ICA1L: variants seen among roughly 807,000 people sequenced by gnomAD.
ICA1L encodes islet cell autoantigen 1 like, also known as islet cell autoantigen 1-like protein.
A neutral mutation model predicts 61.3 loss-of-function variants in ICA1L; 50 were observed. That is an observed-to-expected ratio of 0.82 (90% CI 0.65 to 1.03). ICA1L has a LOEUF of 1.03. Ranked by LOEUF, ICA1L falls within the 50% of genes least tolerant of loss-of-function variation. ICA1L has a pLI of 0.00. For missense variants in ICA1L, 508 were observed against 556.7 expected (o/e 0.91, Z 0.88); for synonymous variants, 161 against 191.3 (o/e 0.84, Z 1.31).
At chr2:202,860,562 G>A (rs904946063) in intron 1 of ICA1L, among the ~76,000 whole-genome samples, 3 of 151,392 alleles carry the variant, frequency 2.0e-5, no homozygotes, top group Non-Finnish European at 4.4e-5. Flanking sequence ...GACCAGCCTG[G>A]CCAACATGGT....
intron 1 of ICA1L, among the ~76,000 whole-genome samples, chr2:202,854,867 A>G (rs1444729197): frequency 6.6e-6 from 1 of 152,140 alleles, no homozygotes; most frequent in Non-Finnish European, 1.5e-5. Context: ...CTCTACTAAA[A>G]ATAAAAAAAT....
At chr2:202,798,742 C>G (rs978596851) in intron 9 of ICA1L, among the ~76,000 whole-genome samples, 3 of 152,100 alleles carry the variant, frequency 2.0e-5, no homozygotes, top group African/African-American at 7.2e-5. Context: ...TTGTTTGTAT[C>G]CTGTAACTTA....
At chr2:202,797,138 G>GTGTATATA (rs1003384876) in intron 9 of ICA1L, among the ~76,000 whole-genome samples, 174 bp from the exon 10 acceptor site, 5 of 68,526 alleles carry the variant, frequency 7.3e-5, no homozygotes, top group Non-Finnish European at 1.1e-4. Context: ...ACATTTGTGT[G>GTGTATATA]TGTGTGTGTG....
At position 202,779,630 on chromosome 2, in the gene ICA1L, T is replaced by A; in HGVS notation, c.1352A>T (p.Gln451Leu). The change falls in exon 13 of 13, where the codon CAA (glutamine) becomes CTA (leucine). Residue 451 changes from glutamine (Q) to leucine (L), a missense_variant. Coordinates refer to ENST00000358299, the MANE Select transcript of ICA1L (RefSeq NM_001288622.3). ...CAGATTGAACCAGGCTGACATGTCT[T>A]GGTTGCCATTGTTGGGGGCTATTAA... ...KLTRSPNNGN[Q>L]DMSAWFNLFA... 6.2e-7 allele frequency: 1 copy of A among 1,610,302 alleles called. No homozygotes were observed.
intron 4 of ICA1L, among the ~76,000 whole-genome samples, chr2:202,820,797 G>A (rs755867899): frequency 3.9e-5 from 6 of 152,062 alleles, no homozygotes; most frequent in Non-Finnish European, 7.4e-5. Context: ...TATATAAACT[G>A]GACACCATCA....
Position 202,779,481 on chromosome 2 carries a change from T to TA in ICA1L, c.*51dup, listed in dbSNP as rs1692326360. On this transcript the variant is annotated 3_prime_UTR_variant, in exon 13 of 13. Transcript: ENST00000358299. ...ATCTAAATCCTTTCCACGAAGGAAA[T>TA]ACGTTGCAAAATTGATGTCTCAAGG... 4 of 1,090,324 alleles carry TA rather than the reference T, an allele frequency of 3.7e-6. No individual in the cohort carries two copies. Among genetic ancestry groups the TA allele is most frequent in the Non-Finnish European group, 5.5e-6 (4 of 721,812 alleles). 67.5% of individuals were successfully genotyped at this position (1,090,324 alleles called of 1,614,324 possible). A position where few individuals can be genotyped will look rare whatever the true frequency, so the allele number is the denominator to read the frequency against.
chr2:202,866,639 T>C (rs1161731797), intron 1 of ICA1L, among the ~76,000 whole-genome samples: 1 of 152,168 alleles, frequency 6.6e-6, no homozygotes, highest in African/African-American at 2.4e-5. Flanking sequence ...CAGACTTAAA[T>C]GTAAAATTTA....
intron 1 of ICA1L, among the ~76,000 whole-genome samples, chr2:202,843,514 G>A (rs1220212419): frequency 6.6e-6 from 1 of 152,204 alleles, no homozygotes; most frequent in African/African-American, 2.4e-5. Flanking sequence ...TATGGCTGAA[G>A]GGATCCCTCT....
At chr2:202,793,984 C>CA (rs796439915) in intron 10 of ICA1L, among the ~76,000 whole-genome samples, 12,877 of 83,098 alleles carry the variant, frequency 0.15, 673 homozygotes, top group Middle Eastern at 0.19. Flanking sequence ...AACTCCAGCT[C>CA]AAAAAAAAAA....
chr2:202,806,466 C>T (rs915244930), intron 9 of ICA1L, among the ~76,000 whole-genome samples: 10 of 151,638 alleles, frequency 6.6e-5, no homozygotes, highest in African/African-American at 2.4e-4. Flanking sequence ...GGCAATATGG[C>T]GAAACCCAGT....
intron 1 of ICA1L, among the ~76,000 whole-genome samples, chr2:202,830,025 CA>C (rs1445423459): frequency 6.6e-6 from 1 of 152,084 alleles, no homozygotes; most frequent in African/African-American, 2.4e-5. Flanking sequence ...TAAATCAACA[CA>C]AATAAAGTCC....
intron 6 of ICA1L, among the ~76,000 whole-genome samples, chr2:202,816,787 A>G (rs532237774): frequency 6.6e-6 from 1 of 152,186 alleles, no homozygotes; most frequent in Non-Finnish European, 1.5e-5. Context: ...TTTTCCATTG[A>G]AAAATATATG....
rs2105809029 is a variant in ICA1L, at chr2:202,776,068, T to A, written c.*3465A>T. 6.6e-6 allele frequency: 1 copy of A among 152,366 alleles called. No individual in the cohort carries two copies. Among genetic ancestry groups the A allele is most frequent in the East Asian group, 1.9e-4 (1 of 5,194 alleles). The allele number at this position is 152,366 out of a possible 1,614,324, so 9.4% of individuals were successfully genotyped here. ...GTTCTAATGCTGTAAGACCTCTACA[T>A]TTCTAGATGGTCTATACAGATACGT... On this transcript the variant is annotated 3_prime_UTR_variant, in exon 13 of 13. Transcript: ENST00000358299.
At chr2:202,780,276 T>G (rs1173616843) in intron 12 of ICA1L, among the ~76,000 whole-genome samples, 2 of 151,976 alleles carry the variant, frequency 1.3e-5, no homozygotes, top group Non-Finnish European at 2.9e-5. Flanking sequence ...CATTGTGATT[T>G]TGGTTTACAG....
chr2:202,840,240 C>T (rs900498798), intron 1 of ICA1L: 4 of 430,850 alleles, frequency 9.3e-6, no homozygotes, highest in African/African-American at 4.1e-5. Flanking sequence ...GGTGGGTCTC[C>T]TGTTCCCTGT....
rs1031560241 is a variant in ICA1L at position 202,842,268 on chromosome 2, A to T, written c.-7-13252T>A. On this transcript the variant is annotated intron_variant, in intron 1 of 12. Coordinates refer to ENST00000358299, the MANE Select transcript of ICA1L (RefSeq NM_001288622.3). The stretch of plus-strand genomic sequence containing the variant: ...GTACCAATGAGTTTTATACTTTTAG[A>T]TGTTTTTGTGTTACTCATTAGCATC... Among the ~76,000 whole-genome samples, 15 of 152,284 alleles carry T rather than the reference A, an allele frequency of 9.9e-5. No individual in the cohort carries two copies. In the South Asian group the frequency reaches 2.3e-3, roughly 23 times the overall value.
chr2:202,825,954 T>A (rs1484714300), intron 2 of ICA1L, among the ~76,000 whole-genome samples, 187 bp from the exon 3 acceptor site: 1 of 152,136 alleles, frequency 6.6e-6, no homozygotes, highest in Non-Finnish European at 1.5e-5. Context: ...CATTCCCCCA[T>A]GAGAGCTGGA....
Position 202,776,979 on chromosome 2 carries a change from C to T in ICA1L, c.*2554G>A, listed in dbSNP as rs1481261344. 6.8e-6 allele frequency: 1 copy of T among 146,596 alleles called. No individual in the cohort carries two copies. Among genetic ancestry groups the T allele is most frequent in the African/African-American group, 2.5e-5 (1 of 39,544 alleles). The allele number at this position is 146,596 out of a possible 1,614,324, so 9.1% of individuals were successfully genotyped here. On this transcript the variant is annotated 3_prime_UTR_variant, in exon 13 of 13. Coordinates refer to ENST00000358299, the MANE Select transcript of ICA1L (RefSeq NM_001288622.3). ...TGTGAGGGAGATAAATATCTCAGAA[C>T]TAATGCATTAGCAAGGTGACCACTA...
intron 1 of ICA1L, among the ~76,000 whole-genome samples, chr2:202,861,568 G>C (rs1193238657): frequency 6.6e-6 from 1 of 151,764 alleles, no homozygotes; most frequent in African/African-American, 2.4e-5. Context: ...CCCCAGAATA[G>C]TAACTGACAT....
Sources: gnomAD v4.1 joint callset for allele counts (sites outside exome capture counted in the v4.1 genomes callset) on GRCh38, gnomAD v4.1.1 for gene constraint, MANE v1.5 for transcripts, NCBI Gene and HGNC (gene_info 2026-07-23, HGNC 2026-07-21) for gene names.